Variants in TENM2 observed in about 807,000 individuals in gnomAD.
The protein encoded by TENM2 is teneurin-2.
TENM2 carries 52 observed loss-of-function variants against 245.2 expected under a neutral mutation model. The observed-to-expected ratio is 0.21, with a 90% confidence interval of 0.17 to 0.27. The LOEUF is 0.27. Among genes scored for constraint, TENM2 ranks in the 10% least tolerant of loss-of-function variants. The pLI is 1.00. For synonymous variants in TENM2, 1,363 were observed against 1,438.9 expected (o/e 0.95, Z 1.19); for missense variants, 3,046 against 3,666.8 (o/e 0.83, Z 4.37).
At chr5:167,933,675 A>C (rs1419063607) in intron 3 of TENM2, among the ~76,000 whole-genome samples, 1 of 152,092 alleles carries the variant, frequency 6.6e-6, no homozygotes, top group Admixed American at 6.5e-5. Context: ...TGTGAAAAAA[A>C]AAAAGGCACA....
the TENM2 span, among the ~76,000 whole-genome samples, chr5:167,276,352 T>TTGTGTGTG: frequency 3.8e-4 from 13 of 34,190 alleles, no homozygotes; most frequent in Non-Finnish European, 9.1e-4. Flanking sequence ...CCTGTTCATT[T>TTGTGTGTG]TGTGTGTGTG....
rs182991616 is a variant in TENM2, at chr5:168,107,028, C to T, written c.1813+8901C>T. Among the ~76,000 whole-genome samples, 9 of 152,146 alleles carry T rather than the reference C, an allele frequency of 5.9e-5. 1 individual carries two copies. Among genetic ancestry groups the T allele is most frequent in the African/African-American group, 2.2e-4 (9 of 41,518 alleles). ...TGAGCAGAGATTTTGCCACTGCACT[C>T]CAGCCTGTGCAGTGGTGAGAGAAAG... On this transcript the variant is annotated intron_variant, in intron 9 of 28. Transcript: ENST00000518659.
At chr5:167,574,217 A>G (rs1205430259) in intron 2 of TENM2, among the ~76,000 whole-genome samples, 1 of 152,236 alleles carries the variant, frequency 6.6e-6, no homozygotes, top group East Asian at 1.9e-4. Flanking sequence ...ATAGATTTGT[A>G]TAGTAAATGC....
chr5:167,857,191 G>T (rs1016466928), intron 2 of TENM2, among the ~76,000 whole-genome samples: 1 of 152,172 alleles, frequency 6.6e-6, no homozygotes, highest in Non-Finnish European at 1.5e-5. Flanking sequence ...ATGTATAAAG[G>T]AGAGGTATAG....
chr5:167,049,928 C>A, the TENM2 span, among the ~76,000 whole-genome samples: 1 of 152,138 alleles, frequency 6.6e-6, no homozygotes, highest in Non-Finnish European at 1.5e-5. Context: ...TTACTTCAAT[C>A]TGTTGTGTCA....
At chr5:167,321,382 G>C (rs1756713315) in intron 1 of TENM2, among the ~76,000 whole-genome samples, 1 of 152,136 alleles carries the variant, frequency 6.6e-6, no homozygotes, top group South Asian at 2.1e-4. Context: ...CTATCTGGAG[G>C]CTGACAGACA....
chr5:167,463,560 G>A (rs555305820), intron 2 of TENM2, among the ~76,000 whole-genome samples: 1 of 151,438 alleles, frequency 6.6e-6, no homozygotes, highest in African/African-American at 2.4e-5. Flanking sequence ...GTGTAATGGT[G>A]CAATCTTGGC....
rs376618471 is a variant in TENM2, at chr5:167,433,481, T to C, written c.502+58008T>C. On this transcript the variant is annotated intron_variant, in intron 2 of 28. Coordinates refer to ENST00000518659, the Ensembl canonical transcript of TENM2. Reference sequence around the variant, plus strand: ...TTTATGCTGTTACTCTTTCAAAGATTATTTTCCCCTCTTATGCTTTTTATT... The same window carrying C: ...TTTATGCTGTTACTCTTTCAAAGATCATTTTCCCCTCTTATGCTTTTTATT... Among the ~76,000 whole-genome samples, 255 of 152,308 alleles carry C rather than the reference T, an allele frequency of 1.7e-3. 15 individuals are homozygous for C. In the South Asian group the frequency reaches 0.051, roughly 30 times the overall value.
intron 2 of TENM2, chr5:167,754,897 A>C: frequency 1.0e-6 from 1 of 960,470 alleles, no homozygotes; most frequent in East Asian, 2.7e-5. Flanking sequence ...CAGGGAAGGG[A>C]GCAGAAAGGG....
chr5:167,832,483 C>T (rs1249639521), intron 2 of TENM2, among the ~76,000 whole-genome samples: 1 of 152,148 alleles, frequency 6.6e-6, no homozygotes, highest in East Asian at 1.9e-4. Context: ...AGCTGCAATA[C>T]ATTATGTAAA....
intron 2 of TENM2, among the ~76,000 whole-genome samples, chr5:167,437,846 T>G (rs1764654146): frequency 6.6e-6 from 1 of 152,198 alleles, no homozygotes; most frequent in South Asian, 2.1e-4. Context: ...CAGCCATGAT[T>G]GTGAGGCCTC....
chr5:168,050,410 C>T (rs1234667632), intron 6 of TENM2, among the ~76,000 whole-genome samples: 1 of 152,150 alleles, frequency 6.6e-6, no homozygotes. Context: ...CAATTCCAAT[C>T]GACTTCTTTT....
chr5:167,369,320 G>A (rs1040823417), intron 1 of TENM2, among the ~76,000 whole-genome samples: 10 of 152,158 alleles, frequency 6.6e-5, no homozygotes, highest in African/African-American at 2.4e-4. Flanking sequence ...CTAAATCTTG[G>A]TCCAGAACCA....
At chr5:168,001,750 A>C (rs1361127721) in intron 5 of TENM2, among the ~76,000 whole-genome samples, 1 of 152,230 alleles carries the variant, frequency 6.6e-6, no homozygotes, top group African/African-American at 2.4e-5. Context: ...TTAAGAATAG[A>C]CACCCAGAAT....
chr5:168,112,602 T>TGGGCG (rs1794750504), intron 9 of TENM2, among the ~76,000 whole-genome samples: 1 of 12,318 alleles, frequency 8.1e-5, no homozygotes, highest in South Asian at 1.8e-3. Context: ...CAGTGTGCAG[T>TGGGCG]GGGCGGGGGG....
chr5:167,146,701 C>T, the TENM2 span, among the ~76,000 whole-genome samples: 13 of 152,176 alleles, frequency 8.5e-5, no homozygotes, highest in Admixed American at 6.5e-4. Flanking sequence ...GGGGAAGTAA[C>T]TCCTTTATTC....
chr5:168,124,754 C>G, intron 10 of TENM2, 96 bp from the exon 13 acceptor site: 1 of 1,181,296 alleles, frequency 8.5e-7, no homozygotes, highest in African/African-American at 1.5e-5. Flanking sequence ...ACTGGTGACC[C>G]ACTGGTCCAT....
At chr5:167,807,628 A>T (rs144424404) in intron 2 of TENM2, among the ~76,000 whole-genome samples, 45 of 35,288 alleles carry the variant, frequency 1.3e-3, no homozygotes, top group Admixed American at 7.2e-3. Context: ...TTTTTTTAAA[A>T]AAAAAAAAAA....
chr5:168,018,857 T>A (rs984368568), intron 5 of TENM2, among the ~76,000 whole-genome samples: 3 of 152,170 alleles, frequency 2.0e-5, no homozygotes, highest in Non-Finnish European at 4.4e-5. Flanking sequence ...GAGGTCCCTG[T>A]CCCCGAGGAG....
Sources: gnomAD v4.1 joint callset for allele counts (sites outside exome capture counted in the v4.1 genomes callset) on GRCh38, gnomAD v4.1.1 for gene constraint, MANE v1.5 for transcripts, NCBI Gene and HGNC (gene_info 2026-07-23, HGNC 2026-07-21) for gene names.